Variants in AOPEP observed in about 807,000 individuals in gnomAD.
The protein encoded by AOPEP is aminopeptidase O.
A neutral mutation model predicts 98.1 loss-of-function variants in AOPEP; 77 were observed. The observed-to-expected ratio is 0.78, with a 90% CI of 0.65 to 0.95. The LOEUF (loss-of-function observed/expected upper bound fraction) is 0.95. Among genes scored for constraint, AOPEP ranks in the 40% least tolerant of loss-of-function variants. The pLI, the probability that AOPEP is intolerant of heterozygous loss-of-function variation, is 0.00. For synonymous variants in AOPEP, 346 were observed against 365.3 expected (o/e 0.95, Z 0.60); for missense variants, 1,024 against 1,024.7 (o/e 1.00, Z 0.01).
chr9:94,904,192 C>T (rs2050818466), intron 5 of AOPEP: 1 of 152,076 alleles, frequency 6.6e-6, no homozygotes, highest in Non-Finnish European at 1.5e-5. Flanking sequence ...GAAAGCCTGA[C>T]CAAGGCATTC....
At chr9:94,745,752 C>G (rs1302773953) in intron 1 of AOPEP, among the ~76,000 whole-genome samples, 1 of 152,090 alleles carries the variant, frequency 6.6e-6, no homozygotes, top group Non-Finnish European at 1.5e-5. Context: ...ACCACATTTT[C>G]TTTATCTGTT....
chr9:95,145,263 A>G, the AOPEP span: 1 of 152,228 alleles, frequency 6.6e-6, no homozygotes, highest in Non-Finnish European at 1.5e-5. Context: ...GATGGAGGAG[A>G]AGATCCATTT....
At chr9:94,916,681 C>T (rs1242188111) in intron 5 of AOPEP, among the ~76,000 whole-genome samples, 4 of 144,864 alleles carry the variant, frequency 2.8e-5, no homozygotes, top group South Asian at 2.2e-4. Flanking sequence ...GGCAACAGAG[C>T]GAGACTCCCT....
intron 1 of AOPEP, among the ~76,000 whole-genome samples, chr9:94,739,298 G>A (rs1361304936): frequency 6.6e-6 from 1 of 152,168 alleles, no homozygotes; most frequent in African/African-American, 2.4e-5. Context: ...TAATCCTTAT[G>A]GAAAAATAAA....
the AOPEP span, chr9:95,100,487 T>C: frequency 8.2e-5 from 19 of 231,546 alleles, no homozygotes; most frequent in African/African-American, 3.8e-4. Flanking sequence ...TACACACAAA[T>C]CAAAATGGAC....
chr9:95,107,051 C>G, the AOPEP span: 13 of 1,613,970 alleles, frequency 8.1e-6, no homozygotes, highest in Non-Finnish European at 1.1e-5. Flanking sequence ...GATGCTGGAC[C>G]ACAGGGAGAC....
At chr9:95,126,394 CAG>C in the AOPEP span, 4 of 868,916 alleles carry the variant, frequency 4.6e-6, no homozygotes, top group Non-Finnish European at 7.5e-6. Flanking sequence ...CCAAAAAGCT[CAG>C]AGGAACAGGA....
chr9:95,101,741 C>T, the AOPEP span: 21 of 1,613,964 alleles, frequency 1.3e-5, no homozygotes, highest in East Asian at 2.2e-5. Flanking sequence ...AAGGAGCTCT[C>T]GGGCCAGTTT....
At chr9:95,082,840 C>T (rs1057319703) in intron 16 of AOPEP, 121 bp downstream of exon 16, 3 of 1,179,798 alleles carry the variant, frequency 2.5e-6, no homozygotes, top group African/African-American at 3.0e-5. Context: ...AGTCGGCTCC[C>T]TGGCCCAGGG....
In AOPEP at chr9:94,875,153, T is replaced by C. The variant is rs534651655; in HGVS notation, c.1365-48833T>C. 5.9e-5 allele frequency among the ~76,000 whole-genome samples: 9 copies of C among 152,258 alleles called. No individual in the cohort carries two copies. The East Asian group carries it at 1.4e-3, about 23-fold the overall frequency. On this transcript the variant is annotated intron_variant, in intron 5 of 16. Coordinates refer to ENST00000375315, the MANE Select transcript of AOPEP (RefSeq NM_001193329.3). ...TTTGATAGGTAAAATCAGTAGCCTT[T>C]CTGCTACCCTTTAGGGTGTTAAAGC...
chr9:94,801,675 T>C (rs913687018), intron 5 of AOPEP, among the ~76,000 whole-genome samples: 1 of 152,256 alleles, frequency 6.6e-6, no homozygotes, highest in East Asian at 1.9e-4. Flanking sequence ...TTAATGCCAT[T>C]GTTCAGTCAT....
At chr9:95,063,520 C>T (rs985001639) in intron 14 of AOPEP, among the ~76,000 whole-genome samples, 2 of 152,204 alleles carry the variant, frequency 1.3e-5, no homozygotes, top group Non-Finnish European at 2.9e-5. Flanking sequence ...CTCCACTGAG[C>T]GCTTTCAGAC....
downstream of AOPEP, among the ~76,000 whole-genome samples, chr9:95,090,547 C>G (rs367883754): frequency 7.6e-3 from 1,160 of 152,228 alleles, 15 homozygotes; most frequent in African/African-American, 0.027. Context: ...AGAGGGCCCC[C>G]CCTTCGAAGG....
At chr9:94,838,709 T>A (rs1019160066) in intron 5 of AOPEP, among the ~76,000 whole-genome samples, 3 of 152,208 alleles carry the variant, frequency 2.0e-5, no homozygotes, top group Non-Finnish European at 4.4e-5. Context: ...TTATTCCCAG[T>A]GTCTCTTCCA....
At chr9:94,914,789 G>A (rs1024078682) in intron 5 of AOPEP, among the ~76,000 whole-genome samples, 40 of 152,210 alleles carry the variant, frequency 2.6e-4, no homozygotes, top group African/African-American at 8.2e-4. Context: ...AGCATTACCC[G>A]GGAACTTCAC....
In AOPEP at chr9:95,018,302, G is replaced by T. The variant is rs539634173; in HGVS notation, c.2115+12686G>T. Among the ~76,000 whole-genome samples, 6 of 152,280 alleles carry T rather than the reference G, an allele frequency of 3.9e-5. No homozygotes were observed. In the South Asian group the frequency reaches 1.2e-3, roughly 32 times the overall value. ...TGCCTCCTTGTCAGCTCCTGGTATT[G>T]TCAGACTTCTTTATTTTAGCCACTC... On this transcript the variant is annotated intron_variant, in intron 13 of 16. Transcript: ENST00000375315.
chr9:95,078,842 T>C (rs931487313), intron 14 of AOPEP, among the ~76,000 whole-genome samples: 2 of 152,262 alleles, frequency 1.3e-5, no homozygotes, highest in African/African-American at 4.8e-5. Flanking sequence ...GTTTGGGTTC[T>C]CCACAGCTGG....
intron 13 of AOPEP, among the ~76,000 whole-genome samples, chr9:95,056,786 A>G (rs540540717): frequency 3.9e-5 from 6 of 152,344 alleles, no homozygotes; most frequent in African/African-American, 1.4e-4. Flanking sequence ...TTCCATGTTT[A>G]GAGTAGAACA....
chr9:94,895,951 T>C (rs2049496378), intron 5 of AOPEP, among the ~76,000 whole-genome samples: 1 of 152,190 alleles, frequency 6.6e-6, no homozygotes, highest in Non-Finnish European at 1.5e-5. Context: ...AAATGAGTAG[T>C]TGTGACAGAG....
Sources: gnomAD v4.1 joint callset for allele counts (sites outside exome capture counted in the v4.1 genomes callset) on GRCh38, gnomAD v4.1.1 for gene constraint, MANE v1.5 for transcripts, NCBI Gene and HGNC (gene_info 2026-07-23, HGNC 2026-07-21) for gene names.